Variants in EYA3 observed in about 807,000 individuals in gnomAD.
The protein encoded by EYA3 is EYA transcriptional coactivator and phosphatase 3, also known as protein phosphatase EYA3.
Under a neutral mutation model 80.0 loss-of-function variants are expected in EYA3, and 39 were observed. That is an observed-to-expected ratio of 0.49 (90% CI 0.38 to 0.64). The LOEUF is 0.64. EYA3 is among the 30% of genes least tolerant of loss of function. EYA3 has a pLI of 0.00. For missense variants in EYA3, 523 were observed against 676.1 expected (o/e 0.77, Z 2.51); for synonymous variants, 206 against 232.8 (o/e 0.88, Z 1.05).
intron 8 of EYA3, among the ~76,000 whole-genome samples, chr1:28,014,367 A>T (rs987123337): frequency 2.0e-5 from 3 of 148,280 alleles, no homozygotes; most frequent in Non-Finnish European, 3.0e-5. Context: ...CAAAGGTTGC[A>T]ATGAACCAAG....
At chr1:28,003,500 A>C (rs1183636202) in intron 11 of EYA3, among the ~76,000 whole-genome samples, 1 of 149,568 alleles carries the variant, frequency 6.7e-6, no homozygotes, top group Non-Finnish European at 1.5e-5. Flanking sequence ...AACAAACAAA[A>C]AAACCCACAC....
intron 17 of EYA3, among the ~76,000 whole-genome samples, chr1:27,977,667 G>C (rs1210293646): frequency 6.6e-6 from 1 of 151,894 alleles, no homozygotes. Flanking sequence ...TGGCCAATAC[G>C]GGAAACCCCG....
chr1:28,047,157 G>A (rs1404384103), intron 3 of EYA3, among the ~76,000 whole-genome samples: 3 of 148,290 alleles, frequency 2.0e-5, no homozygotes, highest in African/African-American at 7.5e-5. Context: ...TTTTTTTTGA[G>A]ACAGAGTCTT....
intron 14 of EYA3, among the ~76,000 whole-genome samples, chr1:27,992,250 C>G (rs1042438991): frequency 2.6e-5 from 4 of 151,770 alleles, no homozygotes; most frequent in African/African-American, 9.7e-5. Context: ...TCGTAGAGGA[C>G]AATTTTTCCA....
intron 5 of EYA3, among the ~76,000 whole-genome samples, chr1:28,038,466 C>CAAAAAAAA (rs1643589508): frequency 1.2e-4 from 11 of 92,628 alleles, no homozygotes; most frequent in Non-Finnish European, 2.0e-4. Context: ...AAAAAAAAAC[C>CAAAAAAAA]GAACACAGAT....
chr1:28,020,668 G>GTGTGTGTA (rs1491581615), intron 7 of EYA3, among the ~76,000 whole-genome samples: 5 of 2,680 alleles, frequency 1.9e-3, no homozygotes, highest in Admixed American at 0.011. Context: ...ACAGATCATC[G>GTGTGTGTA]TGTGTGTGTG....
chr1:28,087,902 A>T (rs1645722407), intron 1 of EYA3, among the ~76,000 whole-genome samples: 1 of 152,196 alleles, frequency 6.6e-6, no homozygotes, highest in Non-Finnish European at 1.5e-5. Context: ...GTTCAGTCTA[A>T]CCCGGCGCCT....
At chr1:28,076,591 G>A (rs1391389126) in intron 1 of EYA3, among the ~76,000 whole-genome samples, 2 of 148,700 alleles carry the variant, frequency 1.3e-5, no homozygotes, top group Non-Finnish European at 3.0e-5. Flanking sequence ...CATGCCTGTA[G>A]TCCCAGGTGG....
chr1:28,005,923 G>A (rs1243598162), intron 10 of EYA3, among the ~76,000 whole-genome samples: 1 of 151,826 alleles, frequency 6.6e-6, no homozygotes, highest in Non-Finnish European at 1.5e-5. Flanking sequence ...TGGCCAACCT[G>A]GTGAAACCTC....
At chr1:28,000,705 G>C (rs1358359322) in intron 11 of EYA3, among the ~76,000 whole-genome samples, 1 of 152,162 alleles carries the variant, frequency 6.6e-6, no homozygotes, top group Non-Finnish European at 1.5e-5. Flanking sequence ...GAGGCGGGAA[G>C]ATTGCTTAAG....
chr1:28,046,744 T>C (rs1439667776), intron 3 of EYA3, among the ~76,000 whole-genome samples: 2 of 152,182 alleles, frequency 1.3e-5, no homozygotes, highest in Admixed American at 1.3e-4. Flanking sequence ...ATCAGGGTTG[T>C]GGTTTTGCTA....
intron 6 of EYA3, among the ~76,000 whole-genome samples, chr1:28,032,642 C>G (rs893691774): frequency 6.6e-6 from 1 of 152,188 alleles, no homozygotes; most frequent in East Asian, 1.9e-4. Context: ...TACACATACT[C>G]CTTCAGATTC....
chr1:28,007,620 C>T (rs1413182639), intron 10 of EYA3, among the ~76,000 whole-genome samples: 1 of 152,090 alleles, frequency 6.6e-6, no homozygotes, highest in Non-Finnish European at 1.5e-5. Context: ...GACTGAGCCA[C>T]TGCGCCCGGC....
Position 28,057,981 on chromosome 1 carries a change from A to G in EYA3, c.33+13T>C. 1 of 1,555,834 alleles carries G rather than the reference A, an allele frequency of 6.4e-7. No homozygotes were observed. Among genetic ancestry groups the G allele is most frequent in the Non-Finnish European group, 8.8e-7 (1 of 1,139,156 alleles). ...TCTACAATCAACTTTAAACTGTTAA[A>G]GGAAATACTTACTGGTTGCTCTGGT... On this transcript the variant is annotated intron_variant, in intron 2 of 17. Transcript: ENST00000373871.
intron 13 of EYA3, among the ~76,000 whole-genome samples, chr1:27,995,382 C>T (rs920689751): frequency 7.0e-6 from 1 of 143,684 alleles, no homozygotes; most frequent in South Asian, 2.2e-4. Flanking sequence ...CAACACTGCA[C>T]TCCAGCCTGG....
intron 6 of EYA3, among the ~76,000 whole-genome samples, chr1:28,033,130 G>T (rs1349329270): frequency 6.6e-6 from 1 of 152,064 alleles, no homozygotes; most frequent in Non-Finnish European, 1.5e-5. Context: ...AGCCCTATTT[G>T]CATCTGAAAT....
rs56017264 is a variant in EYA3, at chr1:28,020,667, CGTGTGTGTGTGT to C, written c.500-3440_500-3429del. Among the ~76,000 whole-genome samples the C allele has an allele frequency of 1.3e-3, 176 of 134,554 alleles. 1 individual carries two copies. The highest frequency in any genetic ancestry group is 3.3e-3 in the African/African-American group (114 of 35,046). 88.3% of individuals were successfully genotyped at this position (134,554 alleles called of 152,430 possible). The stretch of plus-strand genomic sequence containing the variant: ...GCACTTTTAAAAAAATACAGATCAT[CGTGTGTGTGTGT>C]GTGTGTGTGTGTGTGTGTGTGTGTG... On this transcript the variant is annotated intron_variant, in intron 7 of 17. Coordinates refer to ENST00000373871, the MANE Select transcript of EYA3 (RefSeq NM_001990.4).
chr1:28,057,308 T>G (rs1373754119), intron 2 of EYA3, among the ~76,000 whole-genome samples: 1 of 152,046 alleles, frequency 6.6e-6, no homozygotes, highest in Non-Finnish European at 1.5e-5. Context: ...GTATCCTCTC[T>G]TAATATGAAA....
chr1:27,970,937 C>G lies in EYA3; in HGVS notation c.*3529G>C, dbSNP rs1638702584. On this transcript the variant is annotated 3_prime_UTR_variant, in exon 18 of 18. Transcript: ENST00000373871. ...GACAACCATTCAAGGTAGTAAACATCTAGAAGCTCCACATGCTGCAGCTAG... is the reference window on the plus strand; with the variant it reads ...GACAACCATTCAAGGTAGTAAACATGTAGAAGCTCCACATGCTGCAGCTAG... 6.6e-6 allele frequency: 1 copy of G among 152,220 alleles called. No homozygotes were observed. Among genetic ancestry groups the G allele is most frequent in the Non-Finnish European group, 1.5e-5 (1 of 68,048 alleles). 9.4% of individuals were successfully genotyped at this position (152,220 alleles called of 1,614,324 possible). A position where few individuals can be genotyped will look rare whatever the true frequency, so the allele number is the denominator to read the frequency against.
Sources: gnomAD v4.1 joint callset for allele counts (sites outside exome capture counted in the v4.1 genomes callset) on GRCh38, gnomAD v4.1.1 for gene constraint, MANE v1.5 for transcripts, NCBI Gene and HGNC (gene_info 2026-07-23, HGNC 2026-07-21) for gene names.